Variants in KIF6 observed in about 807,000 individuals in gnomAD.
KIF6 encodes the protein kinesin-like protein KIF6.
KIF6 carries 106 observed loss-of-function variants against 112.7 expected under a neutral mutation model. The ratio of observed to expected loss-of-function variants is 0.94; its 90% CI spans 0.80 to 1.11. The LOEUF is 1.11. Among genes scored for constraint, KIF6 ranks in the 50% least tolerant of loss-of-function variants. The pLI is 0.00. For synonymous variants in KIF6, 339 were observed against 339.9 expected (o/e 1.00, Z 0.03); for missense variants, 929 against 964.0 (o/e 0.96, Z 0.48).
intron 14 of KIF6, among the ~76,000 whole-genome samples, chr6:39,423,346 C>T (rs1201416447): frequency 6.6e-6 from 1 of 152,166 alleles, no homozygotes; most frequent in Non-Finnish European, 1.5e-5. Context: ...AGGGCCCCGG[C>T]TCTTCTGTCT....
rs879845899 is a variant in KIF6, at chr6:39,337,195, C to CTTTCTTTCTTTCTTTCTTTCTT, written c.2429-669_2429-648dup. On this transcript the variant is annotated intron_variant, in intron 22 of 22. Transcript: ENST00000287152. ...TCCTTCTTTCTTTCTTTCTTTCTTTCTTTCTTTCTTTCTTTCTTTCTTTCT... is the reference window on the plus strand; with the variant it reads ...TCCTTCTTTCTTTCTTTCTTTCTTTCTTTCTTTCTTTCTTTCTTTCTTTTTCTTTCTTTCTTTCTTTCTTTCT... 3.3e-5 allele frequency among the ~76,000 whole-genome samples: 3 copies of CTTTCTTTCTTTCTTTCTTTCTT among 91,090 alleles called. No homozygotes were observed. In the Admixed American group the frequency reaches 3.4e-4, roughly 10 times the overall value. 59.8% of individuals were successfully genotyped at this position (91,090 alleles called of 152,430 possible).
chr6:39,599,977 A>G (rs1263951066), intron 6 of KIF6, among the ~76,000 whole-genome samples: 1 of 152,216 alleles, frequency 6.6e-6, no homozygotes, highest in Non-Finnish European at 1.5e-5. Context: ...CTTCTCATAA[A>G]TATTTTCTGC....
At chr6:39,447,564 C>T (rs1772408204) in intron 13 of KIF6, among the ~76,000 whole-genome samples, 1 of 152,208 alleles carries the variant, frequency 6.6e-6, no homozygotes, top group East Asian at 1.9e-4. Flanking sequence ...GCCTTGATTT[C>T]ATTGATGGAA....
chr6:39,724,935 T>C (rs573439648), intron 1 of KIF6, among the ~76,000 whole-genome samples: 13 of 152,334 alleles, frequency 8.5e-5, no homozygotes, highest in South Asian at 6.2e-4. Flanking sequence ...GCGCACACTA[T>C]ACAGGCATAC....
chr6:39,454,984 G>C (rs1459584077), intron 13 of KIF6, among the ~76,000 whole-genome samples: 1 of 151,102 alleles, frequency 6.6e-6, no homozygotes, highest in Non-Finnish European at 1.5e-5. Flanking sequence ...GGTAAACAAA[G>C]CAGCCGGGAA....
chr6:39,594,681 C>T (rs150674063), intron 7 of KIF6, among the ~76,000 whole-genome samples: 46 of 152,138 alleles, frequency 3.0e-4, no homozygotes, highest in African/African-American at 1.1e-3. Context: ...CATTTAACAT[C>T]GAGGCAACAT....
At chr6:39,471,653 C>T (rs1774123910) in intron 13 of KIF6, among the ~76,000 whole-genome samples, 1 of 152,182 alleles carries the variant, frequency 6.6e-6, no homozygotes, top group Non-Finnish European at 1.5e-5. Flanking sequence ...CATCTGCCAG[C>T]ACATCTGAGG....
At chr6:39,713,655 A>G (rs1789679432) in intron 3 of KIF6, among the ~76,000 whole-genome samples, 1 of 152,234 alleles carries the variant, frequency 6.6e-6, no homozygotes, top group South Asian at 2.1e-4. Context: ...ACTAAAAAGA[A>G]GGGAATTTCA....
At chr6:39,720,918 T>G in intron 1 of KIF6, 107 bp from the exon 2 acceptor site, 1 of 612,276 alleles carries the variant, frequency 1.6e-6, no homozygotes, top group Non-Finnish European at 2.9e-6. Context: ...CTCTTAAGAT[T>G]AAAAAGTCAT....
chr6:39,683,917 A>G (rs2113780770), intron 3 of KIF6, among the ~76,000 whole-genome samples: 1 of 152,362 alleles, frequency 6.6e-6, no homozygotes, highest in Non-Finnish European at 1.5e-5. Context: ...AGTAAGGATT[A>G]GATACGAAGA....
intron 3 of KIF6, among the ~76,000 whole-genome samples, chr6:39,656,873 C>G (rs1388289762): frequency 6.6e-6 from 1 of 152,148 alleles, no homozygotes; most frequent in African/African-American, 2.4e-5. Context: ...GGAGGCTCTT[C>G]TTCTATGTCC....
chr6:39,492,118 G>C (rs1411360699), intron 13 of KIF6, among the ~76,000 whole-genome samples: 1 of 152,130 alleles, frequency 6.6e-6, no homozygotes, highest in Non-Finnish European at 1.5e-5. Context: ...AAAATCTAGG[G>C]TAGTACCTCT....
In KIF6 at chr6:39,686,937, G is replaced by C. The variant is rs1327088902; in HGVS notation, c.251+27755C>G. 2.0e-5 allele frequency among the ~76,000 whole-genome samples: 3 copies of C among 152,186 alleles called. 1 individual carries two copies. In the East Asian group the frequency reaches 5.8e-4, roughly 29 times the overall value. On this transcript the variant is annotated intron_variant, in intron 3 of 22. Transcript: ENST00000287152. ...CCAAAGATCCCAAAATAAAGAACAG[G>C]GCTGGTTTTTTATTTTTAGTATTTT...
At chr6:39,536,733 G>C (rs1388806825) in intron 13 of KIF6, among the ~76,000 whole-genome samples, 2 of 151,814 alleles carry the variant, frequency 1.3e-5, no homozygotes, top group Non-Finnish European at 3.0e-5. Flanking sequence ...GCATCATCCT[G>C]ATACCAAAGC....
At chr6:39,622,146 A>G (rs1783857269) in intron 5 of KIF6, among the ~76,000 whole-genome samples, 2 of 151,660 alleles carry the variant, frequency 1.3e-5, no homozygotes, top group Admixed American at 6.6e-5. Flanking sequence ...CAGCCTGGGC[A>G]ACAAAAGCGA....
At chr6:39,439,202 T>C (rs17456288) in intron 13 of KIF6, among the ~76,000 whole-genome samples, 3,392 of 152,318 alleles carry the variant, frequency 0.022, 67 homozygotes, top group Non-Finnish European at 0.029. Context: ...CCACAATTTA[T>C]TGACAATTAG....
At chr6:39,366,862 C>T (rs1202929637) in intron 16 of KIF6, among the ~76,000 whole-genome samples, 2 of 150,496 alleles carry the variant, frequency 1.3e-5, no homozygotes, top group African/African-American at 4.9e-5. Flanking sequence ...GGAATGGGCT[C>T]GATCTATTCC....
chr6:39,450,367 T>C (rs1772609876), intron 13 of KIF6, among the ~76,000 whole-genome samples: 1 of 152,224 alleles, frequency 6.6e-6, no homozygotes, highest in Admixed American at 6.5e-5. Context: ...AGGGATATAG[T>C]CGATACGGAA....
intron 12 of KIF6, 106 bp from the exon 13 acceptor site, chr6:39,540,327 G>T: frequency 1.3e-6 from 1 of 745,962 alleles, no homozygotes; most frequent in Non-Finnish European, 2.2e-6. Context: ...TTTATCATGT[G>T]GTAAAGACTG....
Sources: allele counts gnomAD v4.1 joint callset (sites outside exome capture counted in the v4.1 genomes callset), GRCh38; gene constraint gnomAD v4.1.1; transcripts MANE v1.5; gene names NCBI Gene and HGNC (gene_info 2026-07-23, HGNC 2026-07-21).